RNF150: variants seen among roughly 807,000 people sequenced by gnomAD.
RNF150 encodes the protein ring finger protein 150.
Under a neutral mutation model 39.3 loss-of-function variants are expected in RNF150, and 24 were observed. The observed-to-expected ratio is 0.61, with a 90% CI of 0.44 to 0.86. The LOEUF (loss-of-function observed/expected upper bound fraction) is 0.86, where lower values mean the gene tolerates loss of function less well. Among genes scored for constraint, RNF150 ranks in the 40% least tolerant of loss-of-function variants. RNF150 has a pLI of 0.00. For synonymous variants in RNF150, 255 were observed against 227.3 expected (o/e 1.12, Z -1.10); for missense variants, 502 against 587.8 (o/e 0.85, Z 1.51).
At chr4:140,937,738 T>C (rs1302683465) in intron 4 of RNF150, among the ~76,000 whole-genome samples, 1 of 151,950 alleles carries the variant, frequency 6.6e-6, no homozygotes, top group Admixed American at 6.5e-5. Context: ...TTCTGGGTGG[T>C]CAGATTATTT....
intron 6 of RNF150, among the ~76,000 whole-genome samples, chr4:140,886,915 G>T (rs577099427): frequency 4.5e-4 from 68 of 152,248 alleles, no homozygotes; most frequent in Non-Finnish European, 8.5e-4. Context: ...TTTTCTTCTA[G>T]AACTTTTATA....
intron 1 of RNF150, among the ~76,000 whole-genome samples, chr4:141,096,421 C>A (rs1411742332): frequency 6.6e-6 from 1 of 151,946 alleles, no homozygotes. Flanking sequence ...TGGTCTCGAA[C>A]TCCTGAGTTC....
At chr4:141,066,986 T>C (rs1737487271) in intron 1 of RNF150, among the ~76,000 whole-genome samples, 1 of 152,196 alleles carries the variant, frequency 6.6e-6, no homozygotes, top group Admixed American at 6.6e-5. Flanking sequence ...AACATGTTAC[T>C]ATACTGAATA....
chr4:141,208,193 A>G (rs1028260475), intron 1 of RNF150, among the ~76,000 whole-genome samples: 22 of 152,186 alleles, frequency 1.4e-4, no homozygotes, highest in African/African-American at 4.8e-4. Flanking sequence ...CTGCTTTCCA[A>G]ATCTCATGTG....
chr4:141,100,063 T>TA (rs1046814518), intron 1 of RNF150, among the ~76,000 whole-genome samples: 13 of 152,222 alleles, frequency 8.5e-5, no homozygotes, highest in African/African-American at 2.2e-4. Context: ...CTTAGAATGC[T>TA]AAAAAAATTT....
intron 1 of RNF150, among the ~76,000 whole-genome samples, chr4:141,200,653 T>G (rs988582076): frequency 1.4e-4 from 21 of 152,174 alleles, no homozygotes; most frequent in Non-Finnish European, 5.9e-5. Flanking sequence ...TTTTATGAAT[T>G]TGGTGTGTGT....
At chr4:141,125,026 T>C (rs892908880) in intron 1 of RNF150, among the ~76,000 whole-genome samples, 1 of 152,206 alleles carries the variant, frequency 6.6e-6, no homozygotes, top group East Asian at 1.9e-4. Context: ...TATTATGGAA[T>C]GGGCGAAGTA....
intron 5 of RNF150, 73 bp from the exon 6 acceptor site, chr4:140,911,427 A>G (rs1477451828): frequency 3.9e-6 from 5 of 1,271,992 alleles, no homozygotes; most frequent in African/African-American, 1.5e-5. Flanking sequence ...TAGCCTAAAC[A>G]TTCTGTCTCC....
At chr4:140,913,239 G>A (rs185991327) in intron 5 of RNF150, among the ~76,000 whole-genome samples, 9 of 152,214 alleles carry the variant, frequency 5.9e-5, no homozygotes, top group African/African-American at 1.7e-4. Flanking sequence ...CCAGCCTGGC[G>A]ACAGAGCAAG....
chr4:140,956,504 T>C (rs1289369366), intron 2 of RNF150, among the ~76,000 whole-genome samples: 1 of 152,138 alleles, frequency 6.6e-6, no homozygotes, highest in Non-Finnish European at 1.5e-5. Context: ...AGAATGGAGA[T>C]GAATCCTTAG....
chr4:141,088,616 C>G (rs1245653479), intron 1 of RNF150, among the ~76,000 whole-genome samples: 3 of 151,622 alleles, frequency 2.0e-5, no homozygotes, highest in Non-Finnish European at 4.4e-5. Flanking sequence ...GGCAACTCTG[C>G]AGTTGTCAAG....
intron 1 of RNF150, among the ~76,000 whole-genome samples, chr4:141,024,236 C>T (rs547423512): frequency 2.0e-5 from 3 of 152,202 alleles, no homozygotes; most frequent in African/African-American, 7.2e-5. Flanking sequence ...CAGTGAAATA[C>T]TGAATGAGGA....
intron 1 of RNF150, among the ~76,000 whole-genome samples, chr4:141,207,972 A>G (rs1383138191): frequency 6.6e-6 from 1 of 152,214 alleles, no homozygotes; most frequent in African/African-American, 2.4e-5. Flanking sequence ...AAACAAAAAA[A>G]AGCGTTGAGG....
chr4:141,016,311 G>A (rs1156882272), intron 1 of RNF150, among the ~76,000 whole-genome samples: 4 of 152,320 alleles, frequency 2.6e-5, no homozygotes, highest in Admixed American at 2.6e-4. Context: ...GGCATGGAAA[G>A]CACCTCTCCA....
chr4:140,869,286 T>TTTCC (rs1234028503), intron 6 of RNF150, among the ~76,000 whole-genome samples: 6 of 152,202 alleles, frequency 3.9e-5, no homozygotes, highest in Non-Finnish European at 7.4e-5. Flanking sequence ...AAAACAGAAA[T>TTTCC]ATTTAAAGCT....
intron 1 of RNF150, among the ~76,000 whole-genome samples, chr4:140,983,151 C>T (rs550238573): frequency 8.5e-5 from 13 of 152,126 alleles, no homozygotes; most frequent in East Asian, 1.9e-4. Flanking sequence ...CACCATTAAG[C>T]GGCCAATGTT....
intron 1 of RNF150, among the ~76,000 whole-genome samples, chr4:141,130,599 T>A (rs149645493): frequency 4.1e-4 from 63 of 152,322 alleles, no homozygotes; most frequent in East Asian, 3.9e-4. Context: ...TGATGCCTCT[T>A]ACTTTATGTT....
chr4:140,949,949 A>C (rs1732480516), intron 2 of RNF150, among the ~76,000 whole-genome samples: 1 of 152,166 alleles, frequency 6.6e-6, no homozygotes, highest in African/African-American at 2.4e-5. Flanking sequence ...AAAATACATA[A>C]AACATAATGT....
intron 1 of RNF150, among the ~76,000 whole-genome samples, chr4:141,120,920 G>A (rs996840104): frequency 6.6e-6 from 1 of 152,136 alleles, no homozygotes; most frequent in African/African-American, 2.4e-5. Context: ...GATGGCAGGG[G>A]GCAGGAAGGG....
Sources: allele counts gnomAD v4.1 joint callset (sites outside exome capture counted in the v4.1 genomes callset), GRCh38; gene constraint gnomAD v4.1.1; transcripts MANE v1.5; gene names NCBI Gene and HGNC (gene_info 2026-07-23, HGNC 2026-07-21).